The following SORCS3 variants were observed in gnomAD, a reference collection of about 807,000 sequenced individuals.
SORCS3 encodes sortilin related VPS10 domain containing receptor 3.
Under a neutral mutation model 146.3 loss-of-function variants are expected in SORCS3, and 57 were observed. The observed-to-expected ratio is 0.39, with a 90% CI of 0.31 to 0.49. The LOEUF is 0.49. Among genes scored for constraint, SORCS3 ranks in the 20% least tolerant of loss-of-function variants. SORCS3 has a pLI of 0.92. For missense variants in SORCS3, 1,341 were observed against 1,575.5 expected (o/e 0.85, Z 2.52); for synonymous variants, 653 against 618.5 (o/e 1.06, Z -0.83).
At chr10:105,082,589 A>T (rs573289507) in intron 5 of SORCS3, among the ~76,000 whole-genome samples, 3 of 152,326 alleles carry the variant, frequency 2.0e-5, no homozygotes, top group Admixed American at 2.0e-4. Context: ...TGTGATGAAG[A>T]GTTTACACAG....
chr10:104,952,301 C>T (rs2019440963), intron 3 of SORCS3, among the ~76,000 whole-genome samples: 1 of 136,380 alleles, frequency 7.3e-6, no homozygotes, highest in Admixed American at 8.0e-5. Context: ...CAGCATGACA[C>T]CAGCTGTTCC....
At chr10:104,658,280 G>A (rs2015657025) in intron 1 of SORCS3, among the ~76,000 whole-genome samples, 1 of 152,160 alleles carries the variant, frequency 6.6e-6, no homozygotes, top group African/African-American at 2.4e-5. Context: ...TCATCCATGT[G>A]TTTTTTTCAG....
At chr10:104,663,008 G>A (rs2015721661) in intron 1 of SORCS3, among the ~76,000 whole-genome samples, 1 of 152,174 alleles carries the variant, frequency 6.6e-6, no homozygotes, top group Non-Finnish European at 1.5e-5. Flanking sequence ...CCTGGAGTCA[G>A]TCAGCAACTT....
intron 4 of SORCS3, among the ~76,000 whole-genome samples, chr10:105,023,447 T>TG (rs1435859167): frequency 6.6e-6 from 1 of 152,008 alleles, no homozygotes; most frequent in East Asian, 1.9e-4. Context: ...TGGAGAACTG[T>TG]GGGGGGAGCC....
At chr10:105,069,265 A>G (rs2133724589) in intron 5 of SORCS3, among the ~76,000 whole-genome samples, 1 of 152,340 alleles carries the variant, frequency 6.6e-6, no homozygotes, top group African/African-American at 2.4e-5. Context: ...CAGGGAATGC[A>G]ATTCTAGGCA....
intron 2 of SORCS3, among the ~76,000 whole-genome samples, chr10:104,911,500 G>T (rs1039340815): frequency 1.1e-4 from 16 of 152,318 alleles, no homozygotes; most frequent in Admixed American, 3.3e-4. Flanking sequence ...AGAGTTATTT[G>T]GATTCGGGAA....
At chr10:105,035,881 A>G (rs1428712534) in intron 4 of SORCS3, among the ~76,000 whole-genome samples, 1 of 152,180 alleles carries the variant, frequency 6.6e-6, no homozygotes, top group Non-Finnish European at 1.5e-5. Context: ...TTTGAAAACC[A>G]GGTGTGCATC....
intron 5 of SORCS3, among the ~76,000 whole-genome samples, chr10:105,067,469 G>A (rs2133723203): frequency 6.6e-6 from 1 of 152,362 alleles, no homozygotes; most frequent in Admixed American, 6.5e-5. Context: ...GGAGGTTGCA[G>A]TGAGTTGAGA....
intron 22 of SORCS3, among the ~76,000 whole-genome samples, chr10:105,247,880 G>A (rs2056876681): frequency 6.6e-6 from 1 of 152,226 alleles, no homozygotes; most frequent in Non-Finnish European, 1.5e-5. Flanking sequence ...ATTTGTTTGA[G>A]ATAGGGGCTT....
At chr10:104,650,703 T>C (rs978077957) in intron 1 of SORCS3, among the ~76,000 whole-genome samples, 4 of 152,200 alleles carry the variant, frequency 2.6e-5, no homozygotes, top group African/African-American at 9.7e-5. Context: ...AAATACTTGC[T>C]TAAATACTTA....
At chr10:104,913,115 C>T (rs2018986839) in intron 2 of SORCS3, among the ~76,000 whole-genome samples, 1 of 152,186 alleles carries the variant, frequency 6.6e-6, no homozygotes, top group African/African-American at 2.4e-5. Context: ...CCAGATTTTA[C>T]AAGACTTAAG....
At chr10:105,206,892 G>T (rs1056275090) in intron 16 of SORCS3, among the ~76,000 whole-genome samples, 1 of 152,098 alleles carries the variant, frequency 6.6e-6, no homozygotes, top group East Asian at 1.9e-4. Flanking sequence ...GGTGCCTGTA[G>T]ATCACTAGTA....
At chr10:104,939,310 G>A (rs139051374) in intron 3 of SORCS3, among the ~76,000 whole-genome samples, 1 of 152,224 alleles carries the variant, frequency 6.6e-6, no homozygotes, top group East Asian at 1.9e-4. Context: ...CTGCTAAGTC[G>A]TAAATGCCCC....
At chr10:104,969,830 A>G (rs2054848987) in intron 3 of SORCS3, among the ~76,000 whole-genome samples, 1 of 150,644 alleles carries the variant, frequency 6.6e-6, no homozygotes, top group African/African-American at 2.5e-5. Flanking sequence ...GCATTTGGGT[A>G]TGCAAGTGGG....
At chr10:104,930,407 T>C (rs2019195272) in intron 3 of SORCS3, among the ~76,000 whole-genome samples, 1 of 152,220 alleles carries the variant, frequency 6.6e-6, no homozygotes, top group Non-Finnish European at 1.5e-5. Context: ...CATGACCCTC[T>C]AGAACATCTC....
At chr10:105,174,854 G>A (rs996975725) in intron 13 of SORCS3, among the ~76,000 whole-genome samples, 5 of 152,058 alleles carry the variant, frequency 3.3e-5, no homozygotes, top group African/African-American at 7.2e-5. Context: ...GCTTTGCCTT[G>A]GAGGTCGTAT....
At chr10:105,033,198 TACA>T (rs2055281684) in intron 4 of SORCS3, among the ~76,000 whole-genome samples, 1 of 152,212 alleles carries the variant, frequency 6.6e-6, no homozygotes, top group Non-Finnish European at 1.5e-5. Flanking sequence ...AAATTCAAGG[TACA>T]CTGCCATTCA....
chr10:104,842,219 A>C (rs1337968243), intron 1 of SORCS3, among the ~76,000 whole-genome samples: 1 of 152,224 alleles, frequency 6.6e-6, no homozygotes, highest in Non-Finnish European at 1.5e-5. Context: ...TAGTGGGGGC[A>C]GGTGATACAT....
intron 6 of SORCS3, among the ~76,000 whole-genome samples, chr10:105,105,149 A>C (rs1446728792): frequency 2.0e-5 from 3 of 152,224 alleles, no homozygotes; most frequent in Non-Finnish European, 4.4e-5. Context: ...TTGTTCTTCC[A>C]AAAAGCTATA....
Sources: gnomAD v4.1 joint callset for allele counts (sites outside exome capture counted in the v4.1 genomes callset) on GRCh38, gnomAD v4.1.1 for gene constraint, MANE v1.5 for transcripts, NCBI Gene and HGNC (gene_info 2026-07-23, HGNC 2026-07-21) for gene names.